LRRTM4: variants seen among roughly 807,000 people sequenced by gnomAD.
The protein encoded by LRRTM4 is leucine-rich repeat transmembrane neuronal protein 4.
In LRRTM4, 25 loss-of-function variants were observed where a neutral mutation model predicts 47.6. The ratio of observed to expected loss-of-function variants is 0.53; its 90% CI spans 0.38 to 0.73. The LOEUF is 0.73. LRRTM4 is among the 30% of genes least tolerant of loss of function. The pLI, the probability that LRRTM4 is intolerant of heterozygous loss-of-function variation, is 0.00. For synonymous variants in LRRTM4, 311 were observed against 269.5 expected, an observed-to-expected ratio of 1.15 and a Z score of -1.51; for missense variants, 638 against 713.4, an observed-to-expected ratio of 0.89 and a Z score of 1.20.
chr2:77,019,216 G>T (rs1678179237), intron 3 of LRRTM4, among the ~76,000 whole-genome samples: 1 of 114,896 alleles, frequency 8.7e-6, no homozygotes, highest in Non-Finnish European at 1.6e-5. Context: ...ATTTATTCAG[G>T]AACATACTAT....
At chr2:77,481,133 T>C (rs1677686535) in intron 3 of LRRTM4, among the ~76,000 whole-genome samples, 1 of 152,140 alleles carries the variant, frequency 6.6e-6, no homozygotes, top group South Asian at 2.1e-4. Flanking sequence ...AAACACAACA[T>C]GAATATTAAC....
At chr2:77,423,362 C>T (rs1031011) in intron 3 of LRRTM4, among the ~76,000 whole-genome samples, 48,206 of 151,830 alleles carry the variant, frequency 0.32, 7,877 homozygotes, top group Non-Finnish European at 0.37. Flanking sequence ...TATAAGGTCT[C>T]ATCATTCTAA....
At chr2:77,442,962 G>C (rs535110482) in intron 3 of LRRTM4, among the ~76,000 whole-genome samples, 1 of 152,156 alleles carries the variant, frequency 6.6e-6, no homozygotes, top group South Asian at 2.1e-4. Flanking sequence ...TCATTTTGTA[G>C]GTGCCTGAAA....
chr2:77,081,091 A>G (rs1394627962), intron 3 of LRRTM4, among the ~76,000 whole-genome samples: 1 of 151,998 alleles, frequency 6.6e-6, no homozygotes, highest in Non-Finnish European at 1.5e-5. Flanking sequence ...TAGTCTTTTC[A>G]GTTCTCATTG....
At chr2:77,259,291 A>G (rs1017871593) in intron 3 of LRRTM4, among the ~76,000 whole-genome samples, 1 of 152,096 alleles carries the variant, frequency 6.6e-6, no homozygotes, top group Admixed American at 6.6e-5. Context: ...AAACACTCAT[A>G]AAGTGGAAAC....
intron 3 of LRRTM4, among the ~76,000 whole-genome samples, chr2:76,866,198 C>T (rs1302575613): frequency 2.0e-5 from 3 of 152,300 alleles, no homozygotes; most frequent in Middle Eastern, 3.4e-3. Flanking sequence ...AATTAAATAA[C>T]TGAATCCCTT....
intron 3 of LRRTM4, among the ~76,000 whole-genome samples, chr2:77,496,027 T>C (rs1678351190): frequency 6.6e-6 from 1 of 151,956 alleles, no homozygotes; most frequent in Non-Finnish European, 1.5e-5. Flanking sequence ...TACTTACATC[T>C]TCCTTATATC....
rs146990799 is a variant in LRRTM4, at chr2:77,198,228, A to G, written c.1551+320090T>C. On this transcript the variant is annotated intron_variant, in intron 3 of 3. Transcript: ENST00000409884. ...CCTCAGTGGGAAGGGGCCTCTGAAG[A>G]ATCCTGCAAATGATCCAGTGCTCTG... Among the ~76,000 whole-genome samples, 122 of 152,266 alleles carry G rather than the reference A, an allele frequency of 8.0e-4. 1 individual carries two copies. Among genetic ancestry groups the G allele is most frequent in the Non-Finnish European group, 1.5e-3 (105 of 68,010 alleles).
chr2:77,502,171 T>C (rs1343302901), intron 3 of LRRTM4, among the ~76,000 whole-genome samples: 1 of 151,438 alleles, frequency 6.6e-6, no homozygotes, highest in Non-Finnish European at 1.5e-5. Flanking sequence ...ATAAACATGT[T>C]CACAAGAGAG....
At chr2:76,916,463 T>TC (rs1379751730) in intron 3 of LRRTM4, among the ~76,000 whole-genome samples, 1 of 148,996 alleles carries the variant, frequency 6.7e-6, no homozygotes, top group Non-Finnish European at 1.5e-5. Context: ...CAGCATCTGA[T>TC]CATGTCCATG....
intron 3 of LRRTM4, among the ~76,000 whole-genome samples, chr2:77,278,604 A>C (rs1373450229): frequency 6.6e-6 from 1 of 152,034 alleles, no homozygotes; most frequent in East Asian, 1.9e-4. Context: ...AAGAAAAATT[A>C]AAAGTAAAAA....
intron 3 of LRRTM4, among the ~76,000 whole-genome samples, chr2:77,147,124 T>A (rs751683569): frequency 6.6e-6 from 1 of 152,180 alleles, no homozygotes; most frequent in Non-Finnish European, 1.5e-5. Flanking sequence ...ATATTTCTTT[T>A]CCACTAAATC....
chr2:76,922,824 T>C (rs1261119332), intron 3 of LRRTM4, among the ~76,000 whole-genome samples: 1 of 152,118 alleles, frequency 6.6e-6, no homozygotes, highest in East Asian at 1.9e-4. Context: ...GATGTAACTA[T>C]ACAGGAAGCC....
chr2:76,816,267 A>C (rs912171714), intron 3 of LRRTM4, among the ~76,000 whole-genome samples: 5 of 152,106 alleles, frequency 3.3e-5, no homozygotes, highest in African/African-American at 1.2e-4. Flanking sequence ...AGGATGCAGG[A>C]AACTTTCAGA....
chr2:76,927,683 T>C lies in LRRTM4; in HGVS notation c.1552-178767A>G, dbSNP rs1380096228. ...GAGGTAGCAAATAAATGAATATATA[T>C]CATTTAGTATCCTTGATTGTGTATT... On this transcript the variant is annotated intron_variant, in intron 3 of 3. Coordinates refer to ENST00000409884, the MANE Select transcript of LRRTM4 (RefSeq NM_001134745.3). Among the ~76,000 whole-genome samples, 4 of 152,106 alleles carry C rather than the reference T, an allele frequency of 2.6e-5. No homozygotes were observed. In the South Asian group the frequency reaches 6.2e-4, roughly 24 times the overall value.
At chr2:76,982,624 G>T (rs7355718) in intron 3 of LRRTM4, among the ~76,000 whole-genome samples, 9,396 of 152,060 alleles carry the variant, frequency 0.062, 314 homozygotes, top group African/African-American at 0.069. Context: ...ATGCTGCAGT[G>T]TGTGAGGAAC....
rs10198817 is a variant in LRRTM4, at chr2:77,007,582, G to C, written c.1552-258666C>G. Among the ~76,000 whole-genome samples, 1,210 of 152,240 alleles carry C rather than the reference G, an allele frequency of 7.9e-3. 17 individuals are homozygous for C. The highest frequency in any genetic ancestry group is 0.028 in the African/African-American group (1,162 of 41,542). ...GTTAATCTGCCATAGTGCTTTTGCT[G>C]TCTATAAAAATGGCAACATAGGTTT... On this transcript the variant is annotated intron_variant, in intron 3 of 3. Transcript: ENST00000409884.
intron 3 of LRRTM4, among the ~76,000 whole-genome samples, chr2:77,429,453 T>G (rs539925698): frequency 6.6e-6 from 1 of 152,200 alleles, no homozygotes; most frequent in African/African-American, 2.4e-5. Context: ...TCAACCTAAG[T>G]GTCCATCAAA....
intron 3 of LRRTM4, among the ~76,000 whole-genome samples, chr2:76,827,279 C>G (rs778754663): frequency 6.6e-6 from 1 of 151,794 alleles, no homozygotes; most frequent in East Asian, 1.9e-4. Context: ...GTTAGTCTCT[C>G]AGGACCTAAT....
Sources: gnomAD v4.1 joint callset for allele counts (sites outside exome capture counted in the v4.1 genomes callset) on GRCh38, gnomAD v4.1.1 for gene constraint, MANE v1.5 for transcripts, NCBI Gene and HGNC (gene_info 2026-07-23, HGNC 2026-07-21) for gene names.